Variants in LMCD1 observed in about 807,000 individuals in gnomAD.
LMCD1 encodes LIM and cysteine rich domains 1, also known as LIM and cysteine-rich domains protein 1.
Under a neutral mutation model 42.7 loss-of-function variants are expected in LMCD1, and 32 were observed. The ratio of observed to expected loss-of-function variants is 0.75; its 90% CI spans 0.57 to 1.01. The LOEUF (loss-of-function observed/expected upper bound fraction) is 1.01, where lower values mean the gene tolerates loss of function less well. Among genes scored for constraint, LMCD1 ranks in the 50% least tolerant of loss-of-function variants. The pLI, the probability that LMCD1 is intolerant of heterozygous loss-of-function variation, is 0.00. For missense variants in LMCD1, 458 were observed against 483.1 expected (o/e 0.95, Z 0.49); for synonymous variants, 178 against 184.9 (o/e 0.96, Z 0.30).
chr3:8,532,416 A>C (rs1036760432), intron 1 of LMCD1, among the ~76,000 whole-genome samples: 9 of 152,054 alleles, frequency 5.9e-5, no homozygotes, highest in Non-Finnish European at 1.0e-4. Context: ...GGGGGATGGA[A>C]TAGATAGATG....
At chr3:8,540,784 CCGCG>C (rs1193609658) in intron 3 of LMCD1, among the ~76,000 whole-genome samples, 2 of 152,322 alleles carry the variant, frequency 1.3e-5, no homozygotes, top group Non-Finnish European at 2.9e-5. Flanking sequence ...GAACACCTCA[CCGCG>C]CCCTATGTGC....
chr3:8,533,166 G>T (rs569882523), intron 2 of LMCD1, among the ~76,000 whole-genome samples: 1 of 152,258 alleles, frequency 6.6e-6, no homozygotes, highest in East Asian at 1.9e-4. Context: ...TCGGGGTTTG[G>T]TGGATGGGGT....
chr3:8,573,124 A>G lies in LMCD1; in HGVS notation c.*5526A>G, dbSNP rs1695245178. 6.6e-6 allele frequency: 1 copy of G among 152,216 alleles called. No individual in the cohort carries two copies. Among genetic ancestry groups the G allele is most frequent in the Admixed American group, 6.5e-5 (1 of 15,284 alleles). The allele number at this position is 152,216 out of a possible 1,614,324, so 9.4% of individuals were successfully genotyped here. On this transcript the variant is annotated 3_prime_UTR_variant, in exon 6 of 6. Transcript: ENST00000157600. ...TCATTTTGAGATATTTCTTCAACATATAGCTTTTCATTAGTGGGGATTTTG... is the reference window on the plus strand; with the variant it reads ...TCATTTTGAGATATTTCTTCAACATGTAGCTTTTCATTAGTGGGGATTTTG...
chr3:8,523,751 T>A (rs1357961121), intron 1 of LMCD1, among the ~76,000 whole-genome samples: 1 of 152,186 alleles, frequency 6.6e-6, no homozygotes, highest in African/African-American at 2.4e-5. Context: ...ATGCAAAAAG[T>A]CACCCTGATG....
chr3:8,536,443 T>A (rs1401882926), intron 2 of LMCD1, among the ~76,000 whole-genome samples: 1 of 152,212 alleles, frequency 6.6e-6, no homozygotes, highest in Non-Finnish European at 1.5e-5. Flanking sequence ...AGGATGTGTT[T>A]CCTTCTTCTG....
At chr3:8,557,776 A>G (rs769694061) in intron 4 of LMCD1, among the ~76,000 whole-genome samples, 3 of 152,242 alleles carry the variant, frequency 2.0e-5, no homozygotes, top group Non-Finnish European at 4.4e-5. Flanking sequence ...GGCTGAAACC[A>G]ACATGTATTT....
At chr3:8,520,127 G>A (rs1046525541) in intron 1 of LMCD1, among the ~76,000 whole-genome samples, 2 of 152,146 alleles carry the variant, frequency 1.3e-5, no homozygotes, top group Non-Finnish European at 2.9e-5. Flanking sequence ...AACTTGGTGT[G>A]TTATGTCTCC....
intron 4 of LMCD1, among the ~76,000 whole-genome samples, chr3:8,552,618 G>C (rs1392813102): frequency 6.6e-6 from 1 of 152,214 alleles, no homozygotes; most frequent in East Asian, 1.9e-4. Flanking sequence ...GTGTTAAAAA[G>C]TGCCTTACAT....
intron 1 of LMCD1, among the ~76,000 whole-genome samples, chr3:8,515,168 G>A (rs1694076500): frequency 6.6e-6 from 1 of 152,196 alleles, no homozygotes; most frequent in South Asian, 2.1e-4. Context: ...GTCTCCAGGA[G>A]CTGCCACCAG....
In LMCD1 at chr3:8,567,741, A is replaced by T; in HGVS notation, c.*143A>T. ...GCTTTTCAGTGAGAATATATATATG[A>T]GATATATATAGATATATATTCTAGG... On this transcript the variant is annotated 3_prime_UTR_variant, in exon 6 of 6. Transcript: ENST00000157600. 4 of 623,710 alleles carry T rather than the reference A, an allele frequency of 6.4e-6. No homozygotes were observed. Among genetic ancestry groups the T allele is most frequent in the Non-Finnish European group, 1.0e-5 (4 of 401,888 alleles). The allele number at this position is 623,710 out of a possible 1,614,324, so 38.6% of individuals were successfully genotyped here. A position where few individuals can be genotyped will look rare whatever the true frequency, so the allele number is the denominator to read the frequency against.
chr3:8,530,823 C>T (rs1268627338), intron 1 of LMCD1, among the ~76,000 whole-genome samples: 5 of 152,188 alleles, frequency 3.3e-5, no homozygotes, highest in Admixed American at 3.3e-4. Context: ...AAGAAAGCTC[C>T]CAGCTTAGGA....
In LMCD1 at chr3:8,549,724, G is replaced by T. The variant is rs80104205; in HGVS notation, c.723+821G>T. 1,316 of 683,222 alleles carry T rather than the reference G, an allele frequency of 1.9e-3. 14 individuals are homozygous for T. In the African/African-American group the frequency reaches 0.02, roughly 11 times the overall value. 42.3% of individuals were successfully genotyped at this position (683,222 alleles called of 1,614,324 possible). ...GAAAAGGAATGTATTTCATACATCT[G>T]TGGAGGCTGAGAAGTCCAAGGCCAA... On this transcript the variant is annotated intron_variant, in intron 4 of 5. Coordinates refer to ENST00000157600, the MANE Select transcript of LMCD1 (RefSeq NM_014583.4).
At chr3:8,513,651 G>A (rs1694043161) in intron 1 of LMCD1, among the ~76,000 whole-genome samples, 1 of 152,040 alleles carries the variant, frequency 6.6e-6, no homozygotes, top group African/African-American at 2.4e-5. Flanking sequence ...AGGCTAAGGA[G>A]GCAAAGAAGA....
chr3:8,555,716 C>CTTTTTTTTTTTT (rs35525213), intron 4 of LMCD1, among the ~76,000 whole-genome samples: 2 of 63,266 alleles, frequency 3.2e-5, no homozygotes, highest in African/African-American at 7.4e-5. Context: ...CTTCAACGAG[C>CTTTTTTTTTTTT]TTTTTTTTTT....
At chr3:8,510,374 G>A (rs184433267) in intron 1 of LMCD1, among the ~76,000 whole-genome samples, 58 of 152,250 alleles carry the variant, frequency 3.8e-4, no homozygotes, top group African/African-American at 1.3e-3. Flanking sequence ...CAGCATCTGG[G>A]GGCTTCTTAT....
At chr3:8,564,579 T>G (rs1695094995) in intron 4 of LMCD1, among the ~76,000 whole-genome samples, 1 of 152,218 alleles carries the variant, frequency 6.6e-6, no homozygotes, top group African/African-American at 2.4e-5. Flanking sequence ...GGCAAAAATA[T>G]TATTTATTAA....
chr3:8,560,581 A>G (rs1695016857), intron 4 of LMCD1, among the ~76,000 whole-genome samples: 2 of 152,166 alleles, frequency 1.3e-5, no homozygotes, highest in East Asian at 3.9e-4. Flanking sequence ...TGTGGGAGGG[A>G]AAGAGCTGGA....
At chr3:8,504,147 G>A (rs1001777967) in intron 1 of LMCD1, among the ~76,000 whole-genome samples, 4 of 152,134 alleles carry the variant, frequency 2.6e-5, no homozygotes, top group Non-Finnish European at 5.9e-5. Flanking sequence ...ACAATCAGGA[G>A]GAAGATCACC....
intron 1 of LMCD1, among the ~76,000 whole-genome samples, chr3:8,529,347 A>G (rs371087898): frequency 3.3e-5 from 5 of 152,314 alleles, no homozygotes; most frequent in African/African-American, 9.6e-5. Context: ...TTGCAAGGCC[A>G]TTTATTTTTC....
Sources: gnomAD v4.1 joint callset for allele counts (sites outside exome capture counted in the v4.1 genomes callset) on GRCh38, gnomAD v4.1.1 for gene constraint, MANE v1.5 for transcripts, NCBI Gene and HGNC (gene_info 2026-07-23, HGNC 2026-07-21) for gene names.